The following KCND3 variants were observed in gnomAD, a reference collection of about 807,000 sequenced individuals.
KCND3 encodes the protein potassium voltage-gated channel subfamily D member 3.
In KCND3, 9 loss-of-function variants were observed where a neutral mutation model predicts 51.1. The ratio of observed to expected loss-of-function variants is 0.18; its 90% confidence interval spans 0.11 to 0.31. The LOEUF (loss-of-function observed/expected upper bound fraction) is 0.31, where lower values mean the gene tolerates loss of function less well. Among genes scored for constraint, KCND3 ranks in the 10% least tolerant of loss-of-function variants. The pLI, the probability that KCND3 is intolerant of heterozygous loss-of-function variation, is 1.00. For missense variants in KCND3, 526 were observed against 903.8 expected (o/e 0.58, Z 5.36); for synonymous variants, 349 against 368.0 (o/e 0.95, Z 0.59).
intron 2 of KCND3, among the ~76,000 whole-genome samples, chr1:111,931,228 G>T (rs1385592800): frequency 6.6e-6 from 1 of 152,202 alleles, no homozygotes; most frequent in Non-Finnish European, 1.5e-5. Flanking sequence ...TGGGAAAGAG[G>T]TGAGAAGGAA....
chr1:111,829,201 T>C (rs374105882), intron 2 of KCND3, among the ~76,000 whole-genome samples: 11 of 152,162 alleles, frequency 7.2e-5, no homozygotes, highest in African/African-American at 2.7e-4. Flanking sequence ...TGTGTGGTTG[T>C]GCGGTTGCAG....
At chr1:111,821,757 C>G (rs1278600377) in intron 2 of KCND3, among the ~76,000 whole-genome samples, 3 of 152,214 alleles carry the variant, frequency 2.0e-5, no homozygotes, top group Admixed American at 6.5e-5. Context: ...TCTCTGCCAG[C>G]AGGCATGGCC....
chr1:111,805,144 T>C (rs1022006299), intron 2 of KCND3, among the ~76,000 whole-genome samples: 5 of 152,232 alleles, frequency 3.3e-5, no homozygotes, highest in African/African-American at 1.2e-4. Flanking sequence ...GGTTTATTTA[T>C]TTCCTTTCTC....
chr1:111,796,715 G>A (rs941042188), intron 2 of KCND3, among the ~76,000 whole-genome samples: 3 of 152,160 alleles, frequency 2.0e-5, no homozygotes, highest in African/African-American at 7.2e-5. Flanking sequence ...ACCTGCACTT[G>A]TACCCCTGAA....
chr1:111,872,986 C>A (rs1486573896), intron 2 of KCND3, among the ~76,000 whole-genome samples: 2 of 152,220 alleles, frequency 1.3e-5, no homozygotes, highest in Non-Finnish European at 2.9e-5. Flanking sequence ...GTTTTGCAAC[C>A]TGGATTTTAT....
At chr1:111,778,347 G>T in intron 6 of KCND3, 89 bp downstream of exon 6, 3 of 1,242,870 alleles carry the variant, frequency 2.4e-6, no homozygotes, top group Non-Finnish European at 3.6e-6. Flanking sequence ...CACATGCACA[G>T]AACCAGGCCG....
At chr1:111,924,087 A>G (rs1360509674) in intron 2 of KCND3, among the ~76,000 whole-genome samples, 2 of 152,242 alleles carry the variant, frequency 1.3e-5, no homozygotes, top group East Asian at 3.8e-4. Flanking sequence ...AGCACAGGCC[A>G]CAGAGAGTTG....
chr1:111,900,540 C>T (rs1338022419), intron 2 of KCND3, among the ~76,000 whole-genome samples: 2 of 152,222 alleles, frequency 1.3e-5, no homozygotes, highest in East Asian at 1.9e-4. Flanking sequence ...TTGTGACTAC[C>T]GCAAATTACT....
intron 2 of KCND3, among the ~76,000 whole-genome samples, chr1:111,813,131 G>T (rs536568798): frequency 7.9e-5 from 12 of 152,148 alleles, no homozygotes; most frequent in Non-Finnish European, 1.8e-4. Context: ...GTGGACACAA[G>T]TGCCCTCCAT....
intron 2 of KCND3, among the ~76,000 whole-genome samples, chr1:111,832,846 G>T (rs1405133471): frequency 1.3e-5 from 2 of 152,214 alleles, no homozygotes; most frequent in Non-Finnish European, 2.9e-5. Flanking sequence ...CCCTATGGTT[G>T]CTGTGAAGAC....
chr1:111,796,307 A>G (rs1188073681), intron 2 of KCND3, among the ~76,000 whole-genome samples: 1 of 152,118 alleles, frequency 6.6e-6, no homozygotes, highest in African/African-American at 2.4e-5. Context: ...CTTCCATATC[A>G]TAAAGACACA....
chr1:111,843,006 G>C (rs2101645741), intron 2 of KCND3, among the ~76,000 whole-genome samples: 1 of 152,300 alleles, frequency 6.6e-6, no homozygotes, highest in South Asian at 2.1e-4. Context: ...ACCCTTTGCT[G>C]AATGAATGAA....
intron 2 of KCND3, among the ~76,000 whole-genome samples, chr1:111,942,689 GCT>G (rs1432018909): frequency 1.3e-5 from 2 of 152,178 alleles, no homozygotes; most frequent in Admixed American, 6.5e-5. Context: ...CTTGGTCCTG[GCT>G]CTGTTTTCAG....
At chr1:111,849,845 C>G (rs1245334431) in intron 2 of KCND3, among the ~76,000 whole-genome samples, 1 of 152,198 alleles carries the variant, frequency 6.6e-6, no homozygotes, top group Non-Finnish European at 1.5e-5. Flanking sequence ...GGCTCCTTCT[C>G]TGATCCCTTT....
intron 2 of KCND3, among the ~76,000 whole-genome samples, chr1:111,886,879 G>A (rs1459846552): frequency 1.3e-5 from 2 of 152,350 alleles, no homozygotes; most frequent in African/African-American, 4.8e-5. Context: ...AAGGCAGTGA[G>A]CACTGTATTG....
chr1:111,829,797 A>G (rs1476690314), intron 2 of KCND3, among the ~76,000 whole-genome samples: 4 of 152,182 alleles, frequency 2.6e-5, no homozygotes, highest in African/African-American at 4.8e-5. Context: ...GTTGCTAACA[A>G]AATGGATTAT....
At chr1:111,820,463 C>T (rs1415954820) in intron 2 of KCND3, among the ~76,000 whole-genome samples, 5 of 152,218 alleles carry the variant, frequency 3.3e-5, no homozygotes, top group Non-Finnish European at 4.4e-5. Flanking sequence ...TTACTGCCAA[C>T]ATGCGCCTGT....
At chr1:111,959,319 C>A (rs1039512852) in intron 2 of KCND3, among the ~76,000 whole-genome samples, 1 of 152,188 alleles carries the variant, frequency 6.6e-6, no homozygotes, top group Admixed American at 6.5e-5. Context: ...GATGGAGAGA[C>A]AACTATAAAC....
At chr1:111,891,736 A>T (rs1035620080) in intron 2 of KCND3, among the ~76,000 whole-genome samples, 1 of 152,228 alleles carries the variant, frequency 6.6e-6, no homozygotes, top group Non-Finnish European at 1.5e-5. Flanking sequence ...CCTTGTTGAC[A>T]GTTGTATCTC....
Sources: gnomAD v4.1 joint callset for allele counts (sites outside exome capture counted in the v4.1 genomes callset) on GRCh38, gnomAD v4.1.1 for gene constraint, MANE v1.5 for transcripts, NCBI Gene and HGNC (gene_info 2026-07-23, HGNC 2026-07-21) for gene names.